TASP1: variants seen among roughly 807,000 people sequenced by gnomAD.
TASP1 encodes the protein taspase 1, also known as threonine aspartase 1.
TASP1 carries 16 observed loss-of-function variants against 56.6 expected under a neutral mutation model. That is an observed-to-expected ratio of 0.28 (90% CI 0.19 to 0.43). TASP1 has a LOEUF of 0.43. Among genes scored for constraint, TASP1 ranks in the 20% least tolerant of loss-of-function variants. The pLI, the probability that TASP1 is intolerant of heterozygous loss-of-function variation, is 1.00. For synonymous variants in TASP1, 179 were observed against 184.2 expected, an observed-to-expected ratio of 0.97 and a Z score of 0.23; for missense variants, 393 against 511.6, an observed-to-expected ratio of 0.77 and a Z score of 2.24.
chr20:13,181,117 C>T, the TASP1 span, among the ~76,000 whole-genome samples: 1 of 152,306 alleles, frequency 6.6e-6, no homozygotes, highest in East Asian at 1.9e-4. Context: ...TCAGGAGTCC[C>T]TGGTTCACAT....
At chr20:13,586,709 G>A (rs1457328757) in intron 5 of TASP1, among the ~76,000 whole-genome samples, 1 of 152,002 alleles carries the variant, frequency 6.6e-6, no homozygotes, top group African/African-American at 2.4e-5. Context: ...TATAAAACAT[G>A]AGACATATCT....
At chr20:13,591,978 G>C (rs2047548833) in intron 4 of TASP1, among the ~76,000 whole-genome samples, 2 of 151,852 alleles carry the variant, frequency 1.3e-5, no homozygotes, top group South Asian at 4.1e-4. Flanking sequence ...CAAAAGTGGA[G>C]AAAAAAATGG....
At chr20:13,391,771 T>C (rs1283616596) in intron 13 of TASP1, among the ~76,000 whole-genome samples, 3 of 151,708 alleles carry the variant, frequency 2.0e-5, no homozygotes, top group East Asian at 2.0e-4. Flanking sequence ...ATAGAGACCA[T>C]CCTGGCCAAC....
At chr20:13,117,499 G>T in the TASP1 span, 3 of 1,571,566 alleles carry the variant, frequency 1.9e-6, no homozygotes, top group Admixed American at 1.9e-5. Context: ...TTCTCCTTCT[G>T]CCCTAGCATG....
chr20:13,389,095 T>C (rs968185427), downstream of TASP1, among the ~76,000 whole-genome samples: 3 of 152,220 alleles, frequency 2.0e-5, no homozygotes, highest in African/African-American at 7.2e-5. Flanking sequence ...AATCCCTGAA[T>C]ATAACACTTA....
chr20:13,551,290 A>G (rs1331688456), intron 8 of TASP1, among the ~76,000 whole-genome samples: 6 of 152,202 alleles, frequency 3.9e-5, no homozygotes, highest in African/African-American at 1.4e-4. Flanking sequence ...CTTTCATTTC[A>G]CTATCCCATG....
intron 4 of TASP1, among the ~76,000 whole-genome samples, chr20:13,620,932 T>G (rs1383365770): frequency 2.0e-5 from 3 of 152,192 alleles, no homozygotes; most frequent in African/African-American, 7.2e-5. Flanking sequence ...TTTAAGGTAA[T>G]GAATCACAAT....
At chr20:13,631,021 G>A (rs1308751180) in intron 1 of TASP1, among the ~76,000 whole-genome samples, 1 of 152,010 alleles carries the variant, frequency 6.6e-6, no homozygotes, top group Non-Finnish European at 1.5e-5. Context: ...GTTTGGTTTT[G>A]GGTGGTATTT....
intron 11 of TASP1, among the ~76,000 whole-genome samples, chr20:13,455,376 C>T (rs1362777229): frequency 6.6e-6 from 1 of 152,074 alleles, no homozygotes; most frequent in Non-Finnish European, 1.5e-5. Flanking sequence ...TAAACTCACA[C>T]TAACTTGTTA....
chr20:13,425,347 C>A (rs1267564337), intron 12 of TASP1, among the ~76,000 whole-genome samples: 1 of 152,180 alleles, frequency 6.6e-6, no homozygotes, highest in Non-Finnish European at 1.5e-5. Context: ...TTAAGTCAGA[C>A]AAAACCATTT....
the TASP1 span, among the ~76,000 whole-genome samples, chr20:13,175,633 C>G: frequency 6.6e-6 from 1 of 152,178 alleles, no homozygotes; most frequent in Non-Finnish European, 1.5e-5. Flanking sequence ...AACCACAGGC[C>G]TGACCTCACG....
intron 4 of TASP1, among the ~76,000 whole-genome samples, chr20:13,622,186 GAC>G (rs2048740016): frequency 6.6e-6 from 1 of 152,128 alleles, no homozygotes; most frequent in East Asian, 1.9e-4. Context: ...TGTTCTAAGA[GAC>G]TGTCATGTAT....
the TASP1 span, among the ~76,000 whole-genome samples, chr20:13,136,221 G>T: frequency 6.6e-6 from 1 of 152,096 alleles, no homozygotes; most frequent in Admixed American, 6.5e-5. Flanking sequence ...AGAAAAGGAA[G>T]GAGAAAACTA....
chr20:13,515,123 G>A (rs551078532), intron 10 of TASP1, among the ~76,000 whole-genome samples: 4 of 152,174 alleles, frequency 2.6e-5, no homozygotes, highest in Non-Finnish European at 4.4e-5. Context: ...TTTGCAGCAA[G>A]AACCTTGGCT....
At chr20:13,423,811 T>C (rs749162065) in intron 12 of TASP1, among the ~76,000 whole-genome samples, 5 of 152,216 alleles carry the variant, frequency 3.3e-5, no homozygotes, top group Admixed American at 6.5e-5. Context: ...TTGATTACCC[T>C]GTTAACCTAC....
chr20:13,376,395 C>T, the TASP1 span, among the ~76,000 whole-genome samples: 1 of 152,008 alleles, frequency 6.6e-6, no homozygotes, highest in Non-Finnish European at 1.5e-5. Flanking sequence ...AGATGTGTGG[C>T]ATTATTTCTG....
At chr20:13,209,532 A>C in the TASP1 span, among the ~76,000 whole-genome samples, 1 of 152,192 alleles carries the variant, frequency 6.6e-6, no homozygotes, top group African/African-American at 2.4e-5. Context: ...CTTCCATTAT[A>C]TTGACTTCTT....
At chr20:13,511,750 TC>T (rs2044335514) in intron 10 of TASP1, among the ~76,000 whole-genome samples, 1 of 90,136 alleles carries the variant, frequency 1.1e-5, no homozygotes, top group Admixed American at 1.4e-4. Flanking sequence ...ATGCTATCCC[TC>T]CCCCCTCCCC....
the TASP1 span, among the ~76,000 whole-genome samples, chr20:13,178,183 G>A: frequency 1.7e-4 from 26 of 152,054 alleles, no homozygotes; most frequent in African/African-American, 4.6e-4. Context: ...TCAGGGAAAC[G>A]CAAATAAAAA....
Sources: allele counts gnomAD v4.1 joint callset (sites outside exome capture counted in the v4.1 genomes callset), GRCh38; gene constraint gnomAD v4.1.1; transcripts MANE v1.5; gene names NCBI Gene and HGNC (gene_info 2026-07-23, HGNC 2026-07-21).